ADCY2: variants seen among roughly 807,000 people sequenced by gnomAD.
ADCY2 encodes the protein adenylate cyclase 2.
ADCY2 carries 31 observed loss-of-function variants against 125.2 expected under a neutral mutation model. That is an observed-to-expected ratio of 0.25 (90% CI 0.19 to 0.33). The LOEUF is 0.33. ADCY2 is among the 10% of genes least tolerant of loss of function. The probability of loss-of-function intolerance (pLI) is 1.00; values close to 1 mark genes in which losing one functional copy is unlikely to be tolerated. For missense variants in ADCY2, 904 were observed against 1,418.2 expected (o/e 0.64, Z 5.82); for synonymous variants, 512 against 548.4 (o/e 0.93, Z 0.93).
intron 2 of ADCY2, among the ~76,000 whole-genome samples, chr5:7,503,973 C>T (rs1340537432): frequency 2.0e-5 from 3 of 152,214 alleles, no homozygotes; most frequent in Admixed American, 6.5e-5. Context: ...TTGTCCTTTG[C>T]GGGAGTTTAC....
chr5:7,428,028 G>A (rs1300022352), intron 2 of ADCY2, among the ~76,000 whole-genome samples: 1 of 152,200 alleles, frequency 6.6e-6, no homozygotes, highest in Non-Finnish European at 1.5e-5. Flanking sequence ...CCCCCTCTAA[G>A]ACTGAGCCCT....
intron 23 of ADCY2, among the ~76,000 whole-genome samples, chr5:7,820,220 C>T (rs563651769): frequency 7.4e-4 from 112 of 152,252 alleles, no homozygotes; most frequent in South Asian, 3.3e-3. Context: ...TGGCCTGGCG[C>T]GGTGGCTCAC....
chr5:7,499,173 A>G (rs1311484807), intron 2 of ADCY2, among the ~76,000 whole-genome samples: 1 of 151,996 alleles, frequency 6.6e-6, no homozygotes, highest in African/African-American at 2.4e-5. Flanking sequence ...ACAGCCAGCT[A>G]ATTTTTGCAT....
intron 3 of ADCY2, chr5:7,610,992 G>C (rs1737556669): frequency 6.6e-6 from 1 of 152,104 alleles, no homozygotes; most frequent in African/African-American, 2.4e-5. Context: ...ATCTTTCACT[G>C]CAGTGATTGC....
intron 13 of ADCY2, among the ~76,000 whole-genome samples, chr5:7,726,590 G>T (rs1741940653): frequency 6.6e-6 from 1 of 152,134 alleles, no homozygotes; most frequent in South Asian, 2.1e-4. Context: ...CACTGGACGA[G>T]AGAAAGGAAG....
At chr5:7,674,169 G>A (rs571584519) in intron 4 of ADCY2, among the ~76,000 whole-genome samples, 44 of 152,278 alleles carry the variant, frequency 2.9e-4, no homozygotes, top group Non-Finnish European at 5.3e-4. Flanking sequence ...TGCACTTGTG[G>A]TGGTGGTCGT....
chr5:7,705,973 G>A (rs1741255193), intron 7 of ADCY2, among the ~76,000 whole-genome samples: 1 of 152,170 alleles, frequency 6.6e-6, no homozygotes, highest in Non-Finnish European at 1.5e-5. Flanking sequence ...ATTTGATTGT[G>A]CTGCAGTCGG....
chr5:7,617,440 A>G (rs1169679711), intron 3 of ADCY2, among the ~76,000 whole-genome samples: 2 of 152,196 alleles, frequency 1.3e-5, no homozygotes, highest in East Asian at 3.8e-4. Flanking sequence ...AATGTCTGCT[A>G]TTTAAGCCAC....
chr5:7,481,056 T>C (rs10066314), intron 2 of ADCY2, among the ~76,000 whole-genome samples: 7,635 of 152,236 alleles, frequency 0.05, 285 homozygotes, highest in African/African-American at 0.097. Flanking sequence ...GAGGACCCTT[T>C]ATGCTGTTCT....
intron 2 of ADCY2, among the ~76,000 whole-genome samples, chr5:7,465,634 T>C (rs1298094418): frequency 6.6e-6 from 1 of 152,192 alleles, no homozygotes; most frequent in Non-Finnish European, 1.5e-5. Flanking sequence ...TCCTTTTTAA[T>C]TACCATGTTT....
At chr5:7,503,439 A>G (rs920679383) in intron 2 of ADCY2, among the ~76,000 whole-genome samples, 7 of 152,128 alleles carry the variant, frequency 4.6e-5, no homozygotes, top group African/African-American at 1.4e-4. Flanking sequence ...ATGATTATTA[A>G]TATATTTGAA....
chr5:7,497,312 G>A (rs1041715487), intron 2 of ADCY2, among the ~76,000 whole-genome samples: 5 of 152,122 alleles, frequency 3.3e-5, no homozygotes, highest in Non-Finnish European at 7.4e-5. Context: ...ATATTAAAAT[G>A]TATATGGTTT....
chr5:7,577,477 A>G (rs1202842482), intron 3 of ADCY2, among the ~76,000 whole-genome samples: 3 of 152,270 alleles, frequency 2.0e-5, no homozygotes, highest in Middle Eastern at 3.4e-3. Flanking sequence ...TTAAAAGGCA[A>G]TGGTGTGTAT....
intron 2 of ADCY2, among the ~76,000 whole-genome samples, chr5:7,507,440 C>CAAAAAAAAA (rs766601693): frequency 4.3e-5 from 2 of 46,970 alleles, no homozygotes; most frequent in Admixed American, 2.2e-4. Flanking sequence ...GACTCCGTCT[C>CAAAAAAAAA]AAAAAAAAAA....
At chr5:7,491,350 C>G (rs182199669) in intron 2 of ADCY2, among the ~76,000 whole-genome samples, 1 of 152,170 alleles carries the variant, frequency 6.6e-6, no homozygotes, top group Admixed American at 6.5e-5. Flanking sequence ...CTCCTGACTT[C>G]AAGCCATTCT....
intron 24 of ADCY2, among the ~76,000 whole-genome samples, chr5:7,822,369 A>G (rs1350606119): frequency 2.0e-5 from 3 of 152,258 alleles, no homozygotes; most frequent in Non-Finnish European, 2.9e-5. Context: ...ATTTCATTCA[A>G]TTTTACCATT....
intron 2 of ADCY2, among the ~76,000 whole-genome samples, chr5:7,453,525 A>G (rs182286256): frequency 0.013 from 2,054 of 152,282 alleles, 42 homozygotes; most frequent in African/African-American, 0.047. Context: ...AAAGAATTCG[A>G]CTTAGGAGGC....
chr5:7,792,099 G>A (rs1050517166), intron 20 of ADCY2, among the ~76,000 whole-genome samples: 8 of 151,892 alleles, frequency 5.3e-5, no homozygotes, highest in South Asian at 4.2e-4. Context: ...GAGGCCGGGC[G>A]CGGTGGCTCA....
intron 2 of ADCY2, among the ~76,000 whole-genome samples, chr5:7,428,014 C>G (rs1428825181): frequency 6.6e-6 from 1 of 152,180 alleles, no homozygotes; most frequent in Non-Finnish European, 1.5e-5. Context: ...TAACCAAAGG[C>G]AGGCCCCCTC....
Sources: allele counts gnomAD v4.1 joint callset (sites outside exome capture counted in the v4.1 genomes callset), GRCh38; gene constraint gnomAD v4.1.1; transcripts MANE v1.5; gene names NCBI Gene and HGNC (gene_info 2026-07-23, HGNC 2026-07-21).